The following GPATCH1 variants were observed in gnomAD, a reference collection of about 807,000 sequenced individuals.
GPATCH1 encodes G patch domain-containing protein 1.
GPATCH1 carries 73 observed loss-of-function variants against 114.9 expected under a neutral mutation model. The observed-to-expected ratio is 0.64, with a 90% CI of 0.53 to 0.77. The LOEUF (loss-of-function observed/expected upper bound fraction) is 0.77, where lower values mean the gene tolerates loss of function less well. GPATCH1 is among the 30% of genes least tolerant of loss of function. The pLI is 0.00. For synonymous variants in GPATCH1, 391 were observed against 428.4 expected, an observed-to-expected ratio of 0.91 and a Z score of 1.08; for missense variants, 1,058 against 1,144.3, an observed-to-expected ratio of 0.92 and a Z score of 1.09.
intron 9 of GPATCH1, among the ~76,000 whole-genome samples, chr19:33,105,075 C>T (rs532231503): frequency 7.9e-5 from 12 of 152,248 alleles, no homozygotes; most frequent in African/African-American, 2.9e-4. Context: ...TGTCCCCACT[C>T]CCCTCCTAGC....
intron 17 of GPATCH1, among the ~76,000 whole-genome samples, chr19:33,120,209 TA>T: frequency 7.1e-6 from 1 of 141,692 alleles, no homozygotes; most frequent in East Asian, 2.0e-4. Context: ...TATATTCATA[TA>T]AATATATATA....
At chr19:33,090,977 G>A in intron 3 of GPATCH1, 112 bp downstream of exon 3, 2 of 684,436 alleles carry the variant, frequency 2.9e-6, no homozygotes, top group Non-Finnish European at 2.6e-6. Flanking sequence ...CTCTTTGTTT[G>A]TAAGGCTTTA....
In GPATCH1 at chr19:33,130,517, G is replaced by A; in HGVS notation, c.*357G>A. 5.5e-6 allele frequency: 1 copy of A among 181,344 alleles called. No homozygotes were observed. The highest frequency in any genetic ancestry group is 1.1e-5 in the Non-Finnish European group (1 of 87,922). The allele number at this position is 181,344 out of a possible 1,614,324, so 11.2% of individuals were successfully genotyped here. ...ACAGCCTGGACTCACTGAAGGACAAGCGTGTGAGAAGGGGCGGTTGCGGCC... is the reference window on the plus strand; with the variant it reads ...ACAGCCTGGACTCACTGAAGGACAAACGTGTGAGAAGGGGCGGTTGCGGCC... On this transcript the variant is annotated 3_prime_UTR_variant, in exon 20 of 20. Coordinates refer to ENST00000170564, the MANE Select transcript of GPATCH1 (RefSeq NM_018025.3).
intron 2 of GPATCH1, 45 bp downstream of exon 2, chr19:33,088,313 A>T: frequency 7.3e-7 from 1 of 1,365,122 alleles, no homozygotes; most frequent in Non-Finnish European, 1.0e-6. Context: ...AAAGCAAATG[A>T]TCAAAATATT....
chr19:33,099,765 A>ATTTT (rs35230371), intron 8 of GPATCH1, among the ~76,000 whole-genome samples: 1 of 118,324 alleles, frequency 8.5e-6, no homozygotes, highest in African/African-American at 3.2e-5. Context: ...CGCCCAGCTA[A>ATTTT]TTTTTTTTTT....
In GPATCH1 at chr19:33,114,291, G is replaced by A. The variant is rs1972891820; in HGVS notation, c.2068G>A (p.Glu690Lys). The A allele has an allele frequency of 1.9e-6, 3 of 1,612,998 alleles. No homozygotes were observed. Among genetic ancestry groups the A allele is most frequent in the Non-Finnish European group, 2.5e-6 (3 of 1,179,562 alleles). ...ATCCAGATGGGATACCTCTAAACACGAAAAGAAAGAAGATTCCATTAGTGA... is the reference window on the plus strand; with the variant it reads ...ATCCAGATGGGATACCTCTAAACACAAAAAGAAAGAAGATTCCATTAGTGA... ...KPSRWDTSKH[E>K]KKEDSISEFL... is the part of the protein sequence containing the mutation. The change falls in exon 15 of 20, where the codon GAA (glutamate) becomes AAA (lysine). Residue 690 changes from glutamate (E) to lysine (K), a missense_variant. Glu to Lys is a moderately conservative substitution (Grantham distance 56, BLOSUM62 1). This residue lies in a region of GPATCH1 where 893 missense variants were observed against 977.4 expected (regional missense o/e 0.91). Coordinates refer to ENST00000170564, the MANE Select transcript of GPATCH1 (RefSeq NM_018025.3).
Position 33,119,110 on chromosome 19 carries a change from C to T in GPATCH1, c.2514C>T (p.Phe838=), listed in dbSNP as rs1004488470. 1.4e-5 allele frequency: 23 copies of T among 1,595,120 alleles called. No individual in the cohort carries two copies. In the Admixed American group the frequency reaches 2.5e-4, roughly 18 times the overall value. Residue 838 remains phenylalanine (F), a synonymous_variant, in exon 17 of 20, where the codon TTC becomes TTT. Transcript: ENST00000170564. ...TCGGCCCGCGGCTGCCTCCCGTCTT[C>T]TGCCCCAGTGAGTGCAGAGCCCTTT... ...EEFGPRLPPV[F]CPNARQTLEV...
chr19:33,089,272 A>G (rs957763534), intron 2 of GPATCH1, among the ~76,000 whole-genome samples: 2 of 152,180 alleles, frequency 1.3e-5, no homozygotes, highest in Non-Finnish European at 2.9e-5. Flanking sequence ...AGAGAGGTTA[A>G]GGAGCCAGCA....
At chr19:33,096,131 G>A (rs908324114) in intron 6 of GPATCH1, 76 bp from the exon 7 acceptor site, 11 of 1,448,772 alleles carry the variant, frequency 7.6e-6, no homozygotes, top group East Asian at 6.8e-5. Flanking sequence ...TAATCACTGC[G>A]TTTTCAATTA....
intron 9 of GPATCH1, among the ~76,000 whole-genome samples, chr19:33,105,014 CAG>C (rs1041124338): frequency 1.3e-4 from 20 of 152,270 alleles, no homozygotes; most frequent in African/African-American, 4.3e-4. Flanking sequence ...ATTTCCCAAA[CAG>C]ATTTTCATTT....
chr19:33,129,242 C>CA lies in GPATCH1; in HGVS notation c.2766-875dup, dbSNP rs1005312700. 4.0e-3 allele frequency among the ~76,000 whole-genome samples: 480 copies of CA among 120,064 alleles called. 3 individuals are homozygous for CA. The highest frequency in any genetic ancestry group is 0.016 in the Middle Eastern group (4 of 244). The allele number at this position is 120,064 out of a possible 152,430, so 78.8% of individuals were successfully genotyped here. The stretch of plus-strand genomic sequence containing the variant: ...AGCCTGGGTGACAGAGACTCTGTCT[C>CA]AAAAAAAAAAAAAGAAAAGAAATTC... On this transcript the variant is annotated intron_variant, in intron 19 of 19. Coordinates refer to ENST00000170564, the MANE Select transcript of GPATCH1 (RefSeq NM_018025.3).
intron 19 of GPATCH1, 138 bp from the exon 20 acceptor site, chr19:33,129,992 G>A: frequency 3.1e-6 from 2 of 650,950 alleles, no homozygotes; most frequent in African/African-American, 1.8e-5. Flanking sequence ...TTCATTGTGG[G>A]TTATTGTGAG....
chr19:33,104,522 T>G (rs1972762223), intron 9 of GPATCH1, among the ~76,000 whole-genome samples: 1 of 152,064 alleles, frequency 6.6e-6, no homozygotes, highest in African/African-American at 2.4e-5. Flanking sequence ...CAGGATTTCT[T>G]GACAATGATA....
At position 33,090,785 on chromosome 19, in the gene GPATCH1, A is replaced by G. The variant is rs1275236726; in HGVS notation, c.214A>G (p.Thr72Ala). The G allele has an allele frequency of 2.1e-5, 33 of 1,606,734 alleles. No individual in the cohort carries two copies. Among genetic ancestry groups the G allele is most frequent in the Non-Finnish European group, 2.7e-5 (32 of 1,173,824 alleles). The change falls in exon 3 of 20, where the codon ACA (threonine) becomes GCA (alanine). Residue 72 changes from threonine to alanine, a missense_variant. Thr to Ala is a moderately conservative substitution (Grantham distance 58). Coordinates refer to ENST00000170564, the MANE Select transcript of GPATCH1 (RefSeq NM_018025.3). ...CTAAACTCTTTTTTTTTCAGGATGG[A>G]CACCCTCTACCTTTGTGTCTTCACG... is the stretch of plus-strand genomic sequence containing the variant. ...FNTVGSKEGW[T>A]PSTFVSSRQN...
At chr19:33,089,305 G>A (rs969211484) in intron 2 of GPATCH1, among the ~76,000 whole-genome samples, 5 of 152,152 alleles carry the variant, frequency 3.3e-5, no homozygotes, top group Non-Finnish European at 5.9e-5. Flanking sequence ...TGAGGGAAGA[G>A]TCACCAGGTG....
rs1188022199 is a variant in GPATCH1, at chr19:33,130,473, C to T, written c.*313C>T. ...AAAGAAGTTAAAAGTGAAGGCTTCT[C>T]TCTGGTTTTGTGATGAAGACAGCCT... On this transcript the variant is annotated 3_prime_UTR_variant, in exon 20 of 20. Transcript: ENST00000170564. 4 of 246,638 alleles carry T rather than the reference C, an allele frequency of 1.6e-5. No individual in the cohort carries two copies. Among genetic ancestry groups the T allele is most frequent in the Non-Finnish European group, 2.3e-5 (3 of 131,028 alleles). 15.3% of individuals were successfully genotyped at this position (246,638 alleles called of 1,614,324 possible). A position where few individuals can be genotyped will look rare whatever the true frequency, so the allele number is the denominator to read the frequency against.
intron 1 of GPATCH1, among the ~76,000 whole-genome samples, chr19:33,084,157 C>T (rs1972510501): frequency 6.6e-6 from 1 of 152,186 alleles, no homozygotes; most frequent in African/African-American, 2.4e-5. Context: ...CTGTATTTTA[C>T]GATATAACAC....
chr19:33,096,057 C>T (rs971833016), intron 6 of GPATCH1, 150 bp from the exon 7 acceptor site: 14 of 848,370 alleles, frequency 1.7e-5, no homozygotes, highest in Non-Finnish European at 2.4e-5. Context: ...TCCTTTGTGC[C>T]AGAAAGTGAT....
In GPATCH1 at chr19:33,120,275, T is replaced by TATATAAAAAAATTATATAAA. The variant is rs1050625608; in HGVS notation, c.2521+1163_2521+1164insAAAAAATTATATAAAATATA. On this transcript the variant is annotated intron_variant, in intron 17 of 19. Coordinates refer to ENST00000170564, the MANE Select transcript of GPATCH1 (RefSeq NM_018025.3). ...TTTATAATTTTTTATATATAACAAT[T>TATATAAAAAAATTATATAAA]ATATATAAAAATTATATATAAAATT... 7.0e-4 allele frequency among the ~76,000 whole-genome samples: 98 copies of TATATAAAAAAATTATATAAA among 140,498 alleles called. 1 individual carries two copies. Among genetic ancestry groups the TATATAAAAAAATTATATAAA allele is most frequent in the African/African-American group, 2.5e-3 (93 of 37,740 alleles). The allele number at this position is 140,498 out of a possible 152,430, so 92.2% of individuals were successfully genotyped here. A position where few individuals can be genotyped will look rare whatever the true frequency, so the allele number is the denominator to read the frequency against.
Sources: allele counts gnomAD v4.1 joint callset (sites outside exome capture counted in the v4.1 genomes callset), GRCh38; gene constraint gnomAD v4.1.1; regional missense constraint gnomAD v4.1.1; transcripts MANE v1.5; gene names NCBI Gene and HGNC (gene_info 2026-07-23, HGNC 2026-07-21).